The following DNAJC24 variants were observed in gnomAD, a reference collection of about 807,000 sequenced individuals.
DNAJC24 encodes DnaJ heat shock protein family (Hsp40) member C24.
In DNAJC24, 17 loss-of-function variants were observed where a neutral mutation model predicts 18.0. That is an observed-to-expected ratio of 0.94 (90% CI 0.65 to 1.42). The LOEUF is 1.42. DNAJC24 is among the 40% of genes most tolerant of loss of function. The pLI is 0.00. For missense variants in DNAJC24, 158 were observed against 175.6 expected, an observed-to-expected ratio of 0.90 and a Z score of 0.57; for synonymous variants, 55 against 57.7, an observed-to-expected ratio of 0.95 and a Z score of 0.21.
intron 3 of DNAJC24, among the ~76,000 whole-genome samples, chr11:31,424,323 G>C (rs1054317060): frequency 6.6e-6 from 1 of 152,102 alleles, no homozygotes; most frequent in African/African-American, 2.4e-5. Flanking sequence ...TATTACACCT[G>C]TTTTTACCCT....
intron 3 of DNAJC24, chr11:31,422,272 T>G (rs1651698706): frequency 5.8e-6 from 1 of 172,582 alleles, no homozygotes; most frequent in Non-Finnish European, 1.2e-5. Flanking sequence ...CAGCACAGGG[T>G]ATGAACAGAC....
chr11:31,414,737 T>C, intron 2 of DNAJC24, 74 bp from the exon 3 acceptor site: 1 of 1,458,922 alleles, frequency 6.9e-7, no homozygotes, highest in Non-Finnish European at 9.2e-7. Context: ...AAAGCTCAGA[T>C]TTACAATTTT....
intron 2 of DNAJC24, among the ~76,000 whole-genome samples, chr11:31,381,782 C>A (rs569230357): frequency 6.6e-6 from 1 of 151,716 alleles, no homozygotes. Context: ...TCACCATGTT[C>A]GCCAGGCTGG....
chr11:31,393,785 C>A (rs1952520539), intron 2 of DNAJC24, among the ~76,000 whole-genome samples: 1 of 152,126 alleles, frequency 6.6e-6, no homozygotes, highest in Non-Finnish European at 1.5e-5. Flanking sequence ...TAGACTAAGA[C>A]AAGGTGTAAA....
chr11:31,427,845 G>A (rs1212380312), intron 4 of DNAJC24: 1 of 150,542 alleles, frequency 6.6e-6, no homozygotes, highest in Admixed American at 6.6e-5. Context: ...TGAGAATACG[G>A]GCTGGAAGCC....
chr11:31,414,693 A>G (rs1952737652), intron 2 of DNAJC24, 118 bp from the exon 3 acceptor site: 12 of 1,086,050 alleles, frequency 1.1e-5, no homozygotes, highest in African/African-American at 1.6e-5. Flanking sequence ...TTGCCTTGGC[A>G]TTTGGTTTTC....
At chr11:31,412,404 A>G (rs1022649067) in intron 2 of DNAJC24, among the ~76,000 whole-genome samples, 5 of 152,336 alleles carry the variant, frequency 3.3e-5, no homozygotes, top group East Asian at 3.9e-4. Context: ...CTGTAAACGT[A>G]TCATAAATGT....
chr11:31,429,598 G>A, intron 4 of DNAJC24: 1 of 344,472 alleles, frequency 2.9e-6, no homozygotes, highest in South Asian at 2.2e-5. Context: ...TCCACGATCA[G>A]GAGCCTAAGT....
chr11:31,425,233 T>G (rs536469559), intron 3 of DNAJC24, among the ~76,000 whole-genome samples: 1 of 152,264 alleles, frequency 6.6e-6, no homozygotes, highest in East Asian at 1.9e-4. Flanking sequence ...ACATTTGTGT[T>G]GTGGGGTTAT....
chr11:31,371,741 G>A (rs1014864379), intron 2 of DNAJC24, among the ~76,000 whole-genome samples: 3 of 151,042 alleles, frequency 2.0e-5, no homozygotes, highest in East Asian at 3.9e-4. Flanking sequence ...ATATGTAGCC[G>A]GCATTTATAC....
At chr11:31,382,363 A>G (rs1421134383) in intron 2 of DNAJC24, among the ~76,000 whole-genome samples, 1 of 152,174 alleles carries the variant, frequency 6.6e-6, no homozygotes, top group African/African-American at 2.4e-5. Context: ...GACTAAATGA[A>G]AGAATGAATA....
chr11:31,426,371 T>C lies in DNAJC24; in HGVS notation c.319+16T>C, dbSNP rs1952861056. 1 of 1,426,126 alleles carries C rather than the reference T, an allele frequency of 7.0e-7. No homozygotes were observed. The highest frequency in any genetic ancestry group is 9.5e-7 in the Non-Finnish European group (1 of 1,049,714). 88.3% of individuals were successfully genotyped at this position (1,426,126 alleles called of 1,614,324 possible). A position where few individuals can be genotyped will look rare whatever the true frequency, so the allele number is the denominator to read the frequency against. ...TGGAATGAAGGTTGGATTTTTTTTTTCTCTTGACAACATTTAAAAAAAAAA... is the reference window on the plus strand; with the variant it reads ...TGGAATGAAGGTTGGATTTTTTTTTCCTCTTGACAACATTTAAAAAAAAAA... On this transcript the variant is annotated intron_variant, in intron 4 of 4. Coordinates refer to ENST00000465995, the MANE Select transcript of DNAJC24 (RefSeq NM_181706.5).
chr11:31,423,818 G>A (rs928974135), intron 3 of DNAJC24, among the ~76,000 whole-genome samples: 18 of 152,078 alleles, frequency 1.2e-4, no homozygotes, highest in Non-Finnish European at 2.9e-5. Flanking sequence ...TATAATCCTT[G>A]TAACTCTGAC....
chr11:31,414,832 A>G lies in DNAJC24; in HGVS notation c.133A>G (p.Thr45Ala). The part of the protein sequence containing the change: ...ILMYHPDKQS[T>A]DVPAGTVEEC... ...GCAGTATCATCCAGATAAACAAAGT[A>G]CAGATGTACCAGCAGGAACAGTGGA... is the stretch of plus-strand genomic sequence containing the variant. Residue 45 changes from threonine to alanine, a missense_variant, in exon 3 of 5, where the codon ACA (threonine) becomes GCA (alanine). Physicochemically the swap from Thr to Ala is moderately conservative, Grantham distance 58. Coordinates refer to ENST00000465995, the MANE Select transcript of DNAJC24 (RefSeq NM_181706.5). 6.2e-7 allele frequency: 1 copy of G among 1,613,860 alleles called. No individual in the cohort carries two copies. The highest frequency in any genetic ancestry group is 8.5e-7 in the Non-Finnish European group (1 of 1,179,852).
In DNAJC24 at chr11:31,430,518, T is replaced by C; in HGVS notation, c.*117T>C. ...TCAGCCCGATTATTTGCAAAGAAAATATACAATTATCAAGCAGAGACCACC... is the reference window on the plus strand; with the variant it reads ...TCAGCCCGATTATTTGCAAAGAAAACATACAATTATCAAGCAGAGACCACC... On this transcript the variant is annotated 3_prime_UTR_variant, in exon 5 of 5. Coordinates refer to ENST00000465995, the MANE Select transcript of DNAJC24 (RefSeq NM_181706.5). 1 of 814,842 alleles carries C rather than the reference T, an allele frequency of 1.2e-6. No homozygotes were observed. Among genetic ancestry groups the C allele is most frequent in the Admixed American group, 3.3e-5 (1 of 30,272 alleles). 50.5% of individuals were successfully genotyped at this position (814,842 alleles called of 1,614,324 possible).
Position 31,414,792 on chromosome 11 carries a change from C to T in DNAJC24, c.112-19C>T, listed in dbSNP as rs1207554552. The T allele has an allele frequency of 2.5e-6, 4 of 1,610,382 alleles. No individual in the cohort carries two copies. The African/African-American group carries it at 4.0e-5, about 16-fold the overall frequency. ...AGCTCTCTCTACTCACCCCCTGCAC[C>T]CTTCTTTTTGATTGGCAGTATCATC... On this transcript the variant is annotated intron_variant, in intron 2 of 4. Coordinates refer to ENST00000465995, the MANE Select transcript of DNAJC24 (RefSeq NM_181706.5).
intron 2 of DNAJC24, among the ~76,000 whole-genome samples, chr11:31,389,287 A>G (rs1952463320): frequency 6.6e-6 from 1 of 152,194 alleles, no homozygotes. Context: ...AGAGAAACAC[A>G]TAGACTTAAA....
intron 2 of DNAJC24, among the ~76,000 whole-genome samples, chr11:31,375,629 G>C (rs1226749252): frequency 7.4e-6 from 1 of 134,870 alleles, no homozygotes; most frequent in East Asian, 1.9e-4. Flanking sequence ...CTTTAGGTAA[G>C]AGATAGGAGG....
chr11:31,425,761 G>T (rs1952854974), intron 3 of DNAJC24, among the ~76,000 whole-genome samples: 1 of 152,100 alleles, frequency 6.6e-6, no homozygotes, highest in Admixed American at 6.6e-5. Flanking sequence ...ATTTGAGGGG[G>T]ACACAATTCG....
Sources: gnomAD v4.1 joint callset for allele counts (sites outside exome capture counted in the v4.1 genomes callset) on GRCh38, gnomAD v4.1.1 for gene constraint, MANE v1.5 for transcripts, NCBI Gene and HGNC (gene_info 2026-07-23, HGNC 2026-07-21) for gene names.